The following FUT8 variants were observed in gnomAD, a reference collection of about 807,000 sequenced individuals.
FUT8 encodes alpha-(1,6)-fucosyltransferase.
In FUT8, 29 loss-of-function variants were observed where a neutral mutation model predicts 71.3. That is an observed-to-expected ratio of 0.41 (90% CI 0.30 to 0.55). The LOEUF is 0.55. FUT8 is among the 20% of genes least tolerant of loss of function. The probability of loss-of-function intolerance (pLI) is 0.34; values close to 1 mark genes in which losing one functional copy is unlikely to be tolerated. For synonymous variants in FUT8, 254 were observed against 239.3 expected, an observed-to-expected ratio of 1.06 and a Z score of -0.57; for missense variants, 544 against 702.1, an observed-to-expected ratio of 0.77 and a Z score of 2.55.
intron 2 of FUT8, among the ~76,000 whole-genome samples, chr14:65,526,939 G>A (rs1303524253): frequency 3.9e-5 from 6 of 152,198 alleles, no homozygotes; most frequent in Admixed American, 3.9e-4. Flanking sequence ...TCCACTGTTA[G>A]TCTGATGGGC....
chr14:65,669,448 A>T lies in FUT8; in HGVS notation c.803A>T (p.Asp268Val). ...VFRPVSETCT[D>V]RSGISTGHWS... Reference sequence around the variant, plus strand: ...AGGCCTGTAAGTGAGACATGCACAGACAGATCTGGCATCTCCACTGGACAC... The same window carrying T: ...AGGCCTGTAAGTGAGACATGCACAGTCAGATCTGGCATCTCCACTGGACAC... The change falls in exon 7 of 11, where the codon GAC becomes GTC. Residue 268 changes from aspartate (D) to valine (V), a missense_variant. By Grantham distance (152) the Asp-to-Val change is radical. Coordinates refer to ENST00000673929, the MANE Select transcript of FUT8 (RefSeq NM_001371533.1). The surrounding 1 kb of genome is among the most constrained non-coding windows in gnomAD (Gnocchi z 4.5). 1 of 1,613,490 alleles carries T rather than the reference A, an allele frequency of 6.2e-7. No homozygotes were observed. Among genetic ancestry groups the T allele is most frequent in the Non-Finnish European group, 8.5e-7 (1 of 1,179,578 alleles).
chr14:65,400,550 A>C, the FUT8 span, among the ~76,000 whole-genome samples: 1 of 152,270 alleles, frequency 6.6e-6, no homozygotes, highest in Non-Finnish European at 1.5e-5. Flanking sequence ...ACATGATAGC[A>C]TTAGCTTTTG....
chr14:65,623,949 A>G (rs1889764335), intron 5 of FUT8, among the ~76,000 whole-genome samples: 1 of 152,190 alleles, frequency 6.6e-6, no homozygotes, highest in Non-Finnish European at 1.5e-5. Flanking sequence ...GGACTCTTCT[A>G]GGAGATCTGG....
chr14:65,361,435 A>G, the FUT8 span, among the ~76,000 whole-genome samples: 1 of 151,274 alleles, frequency 6.6e-6, no homozygotes, highest in African/African-American at 2.5e-5. Context: ...CTAAATTACT[A>G]TTGTCCTAAG....
intron 3 of FUT8, among the ~76,000 whole-genome samples, chr14:65,593,084 AG>A (rs1887778917): frequency 6.6e-6 from 1 of 152,184 alleles, no homozygotes. Context: ...CAGTCCTTCT[AG>A]GCTCTAATGA....
the FUT8 span, among the ~76,000 whole-genome samples, chr14:65,360,280 G>T: frequency 6.6e-6 from 1 of 152,194 alleles, no homozygotes; most frequent in East Asian, 1.9e-4. Flanking sequence ...CTTGCCATTA[G>T]CTGGGTTTAC....
chr14:65,523,261 C>G (rs1457365612), intron 2 of FUT8, among the ~76,000 whole-genome samples: 1 of 152,164 alleles, frequency 6.6e-6, no homozygotes, highest in Non-Finnish European at 1.5e-5. Flanking sequence ...TTAATGACCG[C>G]CATTCTAACT....
intron 3 of FUT8, among the ~76,000 whole-genome samples, chr14:65,586,292 T>C (rs545733315): frequency 1.2e-4 from 18 of 152,312 alleles, no homozygotes; most frequent in African/African-American, 4.3e-4. Context: ...GTGCTGGAGA[T>C]GAATGTAGCA....
the FUT8 span, among the ~76,000 whole-genome samples, chr14:65,368,122 C>G: frequency 5.4e-3 from 760 of 139,510 alleles, 7 homozygotes; most frequent in Middle Eastern, 0.028. Context: ...GGTGCGATCT[C>G]GGCTTACTGC....
At chr14:65,719,277 C>T (rs932289008) in intron 7 of FUT8, among the ~76,000 whole-genome samples, 5 of 151,952 alleles carry the variant, frequency 3.3e-5, no homozygotes, top group African/African-American at 9.7e-5. Context: ...ATTTTTCAAC[C>T]CCAGAATTTC....
At position 65,638,315 on chromosome 14, in the gene FUT8, C is replaced by G. The variant is rs79158008; in HGVS notation, c.597+8709C>G. 5.7e-3 allele frequency among the ~76,000 whole-genome samples: 873 copies of G among 152,272 alleles called. 30 individuals carry two copies. In the East Asian group the frequency reaches 0.093, roughly 16 times the overall value. On this transcript the variant is annotated intron_variant, in intron 6 of 10. Coordinates refer to ENST00000673929, the MANE Select transcript of FUT8 (RefSeq NM_001371533.1). This position sits in a 1 kb window ranked among gnomAD's most constrained non-coding sequence, Gnocchi z 4.5. ...CCTGCCTCAGCTTCCCAAAGTGTTGCAATCACAGGCGTGAGCCACTGTGTC... is the reference window on the plus strand; with the variant it reads ...CCTGCCTCAGCTTCCCAAAGTGTTGGAATCACAGGCGTGAGCCACTGTGTC...
chr14:65,449,993 T>TAA (rs754378193), intron 1 of FUT8, among the ~76,000 whole-genome samples: 17 of 152,260 alleles, frequency 1.1e-4, no homozygotes, highest in African/African-American at 3.9e-4. Flanking sequence ...TCACCACTGA[T>TAA]AGAGTTAATT....
intron 3 of FUT8, among the ~76,000 whole-genome samples, chr14:65,580,347 G>T (rs1887021477): frequency 6.6e-6 from 1 of 151,350 alleles, no homozygotes; most frequent in Non-Finnish European, 1.5e-5. Flanking sequence ...CATAGAAAAG[G>T]TACAGTAAAA....
chr14:65,388,574 C>A, the FUT8 span, among the ~76,000 whole-genome samples: 4 of 152,230 alleles, frequency 2.6e-5, no homozygotes, highest in African/African-American at 9.6e-5. Context: ...CTAGCCTGGG[C>A]AACATAGTGA....
chr14:65,448,112 A>G (rs2065769572), intron 1 of FUT8, among the ~76,000 whole-genome samples: 2 of 152,290 alleles, frequency 1.3e-5, no homozygotes, highest in Middle Eastern at 3.4e-3. Flanking sequence ...TATCTTACCT[A>G]GTAAGAGATA....
In FUT8 at chr14:65,574,968, A is replaced by C. The variant is rs779246485; in HGVS notation, c.203+13202A>C. On this transcript the variant is annotated intron_variant, in intron 3 of 10. Coordinates refer to ENST00000673929, the MANE Select transcript of FUT8 (RefSeq NM_001371533.1). This position sits in a 1 kb window ranked among gnomAD's most constrained non-coding sequence, Gnocchi z 5.2. ...TTAATATTGTATACTCTTTTTGTGG[A>C]TGATGGCTTTGGTTACTGGATTCCA... Among the ~76,000 whole-genome samples, 4 of 152,152 alleles carry C rather than the reference A, an allele frequency of 2.6e-5. No individual in the cohort carries two copies. Among genetic ancestry groups the C allele is most frequent in the Non-Finnish European group, 5.9e-5 (4 of 68,018 alleles).
intron 7 of FUT8, among the ~76,000 whole-genome samples, chr14:65,688,042 T>A (rs1355340029): frequency 6.6e-6 from 1 of 152,214 alleles, no homozygotes; most frequent in African/African-American, 2.4e-5. Context: ...CTATTATTAA[T>A]ATTTGTATTG....
chr14:65,487,639 TTTC>T (rs1403997265), intron 2 of FUT8, among the ~76,000 whole-genome samples: 3 of 151,504 alleles, frequency 2.0e-5, no homozygotes, highest in Non-Finnish European at 4.4e-5. Context: ...TCTTGCGGCC[TTTC>T]TTCTTGTCTC....
chr14:65,378,010 G>C, the FUT8 span, among the ~76,000 whole-genome samples: 1 of 152,148 alleles, frequency 6.6e-6, no homozygotes, highest in African/African-American at 2.4e-5. Flanking sequence ...AGGGGCAGAG[G>C]GAGAGCTGCC....
Sources: gnomAD v4.1 joint callset for allele counts (sites outside exome capture counted in the v4.1 genomes callset) on GRCh38, gnomAD v4.1.1 for gene constraint, Gnocchi (gnomAD v3.1) non-coding constraint, MANE v1.5 for transcripts, NCBI Gene and HGNC (gene_info 2026-07-23, HGNC 2026-07-21) for gene names.